CAPZB: variants seen among roughly 807,000 people sequenced by gnomAD.
CAPZB encodes F-actin-capping protein subunit beta.
Under a neutral mutation model 38.1 loss-of-function variants are expected in CAPZB, and 2 were observed. That is an observed-to-expected ratio of 0.05 (90% confidence interval 0.02 to 0.17). CAPZB has a LOEUF of 0.17. Ranked by LOEUF, CAPZB falls within the 10% of genes least tolerant of loss-of-function variation. The pLI is 1.00. For synonymous variants in CAPZB, 107 were observed against 127.4 expected, an observed-to-expected ratio of 0.84 and a Z score of 1.08; for missense variants, 161 against 334.2, an observed-to-expected ratio of 0.48 and a Z score of 4.04.
At chr1:19,419,267 T>A (rs1209106231) in intron 2 of CAPZB, among the ~76,000 whole-genome samples, 1 of 152,226 alleles carries the variant, frequency 6.6e-6, no homozygotes, top group Non-Finnish European at 1.5e-5. Context: ...ACGCTTGTAC[T>A]GTGTTGGCTG....
intron 1 of CAPZB, among the ~76,000 whole-genome samples, chr1:19,467,441 G>T (rs896641273): frequency 6.6e-6 from 1 of 152,094 alleles, no homozygotes; most frequent in Non-Finnish European, 1.5e-5. Flanking sequence ...CAGAGGACAC[G>T]GATGTGCCAC....
chr1:19,438,921 T>TA (rs2094467000), intron 1 of CAPZB, among the ~76,000 whole-genome samples: 1 of 152,248 alleles, frequency 6.6e-6, no homozygotes, highest in African/African-American at 2.4e-5. Flanking sequence ...GAAAGTGGCT[T>TA]AGATCATTCT....
intron 4 of CAPZB, among the ~76,000 whole-genome samples, chr1:19,359,100 T>G (rs2094038054): frequency 6.6e-6 from 1 of 152,024 alleles, no homozygotes; most frequent in Admixed American, 6.6e-5. Context: ...TAAAATTAAG[T>G]ACTAGAAATT....
chr1:19,352,624 C>G (rs1338733028), intron 6 of CAPZB, among the ~76,000 whole-genome samples: 1 of 152,238 alleles, frequency 6.6e-6, no homozygotes, highest in Non-Finnish European at 1.5e-5. Flanking sequence ...ACCTTCTGCC[C>G]GCCTTTCCTC....
At chr1:19,366,273 C>T (rs982757812) in intron 4 of CAPZB, among the ~76,000 whole-genome samples, 2 of 113,064 alleles carry the variant, frequency 1.8e-5, no homozygotes, top group South Asian at 2.7e-4. Flanking sequence ...ATAGTGAGAC[C>T]GTGTCTTAAA....
At chr1:19,400,949 G>A in intron 2 of CAPZB, among the ~76,000 whole-genome samples, 1 of 152,136 alleles carries the variant, frequency 6.6e-6, no homozygotes, top group East Asian at 1.9e-4. Context: ...TCACCTTGTA[G>A]CACTGTTGCA....
intron 2 of CAPZB, among the ~76,000 whole-genome samples, chr1:19,393,470 C>A (rs1290860122): frequency 6.6e-6 from 1 of 152,236 alleles, no homozygotes; most frequent in African/African-American, 2.4e-5. Context: ...ACCCCCCAAC[C>A]TGTGGATGAG....
At chr1:19,346,998 TTTTA>T (rs2093965393) in intron 6 of CAPZB, among the ~76,000 whole-genome samples, 1 of 151,192 alleles carries the variant, frequency 6.6e-6, no homozygotes, top group African/African-American at 2.4e-5. Context: ...TTTTTTTTAT[TTTTA>T]TTTTTATTTT....
chr1:19,473,098 C>G (rs1256745416), intron 1 of CAPZB, among the ~76,000 whole-genome samples: 5 of 152,036 alleles, frequency 3.3e-5, no homozygotes, highest in Admixed American at 3.3e-4. Context: ...CCACTTTCAG[C>G]TGCAGAAGTT....
chr1:19,402,002 G>A (rs1310571316), intron 2 of CAPZB, among the ~76,000 whole-genome samples: 1 of 152,128 alleles, frequency 6.6e-6, no homozygotes, highest in Non-Finnish European at 1.5e-5. Context: ...TACTTTTGAG[G>A]ATACCCTATG....
intron 2 of CAPZB, among the ~76,000 whole-genome samples, chr1:19,396,208 C>T (rs1214770973): frequency 1.3e-5 from 2 of 152,226 alleles, no homozygotes; most frequent in African/African-American, 2.4e-5. Flanking sequence ...TCTGGACGGC[C>T]TCATGCCCGG....
At chr1:19,457,287 G>A (rs12755152) in intron 1 of CAPZB, among the ~76,000 whole-genome samples, 47,451 of 152,040 alleles carry the variant, frequency 0.31, 7,522 homozygotes, top group Non-Finnish European at 0.34. Flanking sequence ...GTTGAAGGTA[G>A]AAGATGACAC....
intron 8 of CAPZB, 119 bp from the exon 9 acceptor site, chr1:19,339,736 G>T (rs1400207528): frequency 1.3e-6 from 1 of 792,678 alleles, no homozygotes; most frequent in Non-Finnish European, 2.2e-6. Context: ...TTCCTGGGGT[G>T]AGGCTCTGGG....
At chr1:19,460,973 C>G (rs962296126) in intron 1 of CAPZB, among the ~76,000 whole-genome samples, 3 of 152,064 alleles carry the variant, frequency 2.0e-5, no homozygotes, top group African/African-American at 7.2e-5. Context: ...AAAACCAACC[C>G]AGGAGCTGAG....
intron 1 of CAPZB, among the ~76,000 whole-genome samples, chr1:19,451,759 T>C (rs757342103): frequency 1.3e-5 from 2 of 152,058 alleles, no homozygotes; most frequent in Non-Finnish European, 2.9e-5. Context: ...CTATTTATTA[T>C]GGCCTCCACC....
intron 3 of CAPZB, among the ~76,000 whole-genome samples, chr1:19,379,769 G>A (rs1318927215): frequency 6.6e-6 from 1 of 152,152 alleles, no homozygotes; most frequent in Non-Finnish European, 1.5e-5. Flanking sequence ...GGGTTATAAG[G>A]GAAAGATCTA....
intron 1 of CAPZB, chr1:19,484,708 T>A: frequency 9.2e-7 from 1 of 1,085,480 alleles, no homozygotes; most frequent in Non-Finnish European, 1.1e-6. Flanking sequence ...AGGACCCTGA[T>A]GAGAGGCTCA....
At chr1:19,445,207 G>T (rs1380464755) in intron 1 of CAPZB, among the ~76,000 whole-genome samples, 2 of 152,096 alleles carry the variant, frequency 1.3e-5, no homozygotes, top group African/African-American at 4.8e-5. Context: ...AGTTTGCAAA[G>T]GTGTTTTAAG....
chr1:19,342,637 T>C (rs2093936465), intron 8 of CAPZB: 1 of 686,316 alleles, frequency 1.5e-6, no homozygotes, highest in African/African-American at 1.8e-5. Context: ...GGAGCACACG[T>C]GGGGGTTAGT....
Sources: gnomAD v4.1 joint callset for allele counts (sites outside exome capture counted in the v4.1 genomes callset) on GRCh38, gnomAD v4.1.1 for gene constraint, MANE v1.5 for transcripts, NCBI Gene and HGNC (gene_info 2026-07-23, HGNC 2026-07-21) for gene names.